MAP6: variants seen among roughly 807,000 people sequenced by gnomAD.
The protein encoded by MAP6 is microtubule-associated protein 6.
A neutral mutation model predicts 42.4 loss-of-function variants in MAP6; 26 were observed. The observed-to-expected ratio is 0.61, with a 90% CI of 0.45 to 0.85. MAP6 has a LOEUF of 0.85. MAP6 is among the 40% of genes least tolerant of loss of function. The pLI, the probability that MAP6 is intolerant of heterozygous loss-of-function variation, is 0.00. For missense variants in MAP6, 966 were observed against 1,099.0 expected (o/e 0.88, Z 1.71); for synonymous variants, 418 against 443.8 (o/e 0.94, Z 0.73).
At chr11:75,597,147 G>A (rs1296161642) in intron 3 of MAP6, 4 of 152,250 alleles carry the variant, frequency 2.6e-5, no homozygotes, top group Non-Finnish European at 5.9e-5. Flanking sequence ...TAAAGGCCAA[G>A]TAAAGGTTCA....
chr11:75,620,235 C>T (rs61895124), intron 1 of MAP6, among the ~76,000 whole-genome samples: 6,987 of 151,944 alleles, frequency 0.046, 202 homozygotes, highest in East Asian at 0.14. Flanking sequence ...TTTGGGAGGC[C>T]GAGGTAGGTG....
At chr11:75,598,044 G>A (rs1172822120) in intron 3 of MAP6, among the ~76,000 whole-genome samples, 1 of 152,198 alleles carries the variant, frequency 6.6e-6, no homozygotes, top group Non-Finnish European at 1.5e-5. Context: ...CCGCAGGCCT[G>A]GGAATCAGGT....
intron 1 of MAP6, among the ~76,000 whole-genome samples, chr11:75,666,457 T>A (rs961670389): frequency 6.6e-6 from 1 of 151,438 alleles, no homozygotes; most frequent in Non-Finnish European, 1.5e-5. Flanking sequence ...GAGAAAGGGG[T>A]TTTTGGTGGC....
At chr11:75,590,573 C>T (rs960463409) in intron 3 of MAP6, among the ~76,000 whole-genome samples, 5 of 152,204 alleles carry the variant, frequency 3.3e-5, no homozygotes, top group Admixed American at 3.3e-4. Flanking sequence ...TACATAACCC[C>T]ATATTGCTTA....
chr11:75,652,365 T>C (rs561375710), intron 1 of MAP6, among the ~76,000 whole-genome samples: 18 of 152,280 alleles, frequency 1.2e-4, no homozygotes, highest in Admixed American at 1.2e-3. Flanking sequence ...CATGTCTAGC[T>C]CTCCATGCCC....
At chr11:75,654,271 A>C (rs1157739778) in intron 1 of MAP6, among the ~76,000 whole-genome samples, 1 of 152,192 alleles carries the variant, frequency 6.6e-6, no homozygotes, top group Non-Finnish European at 1.5e-5. Context: ...GAATTACAAG[A>C]ATGTATTGTA....
In MAP6 at chr11:75,668,067, C is replaced by G. The variant is rs1035520001; in HGVS notation, c.303G>C (p.Arg101=). 5 of 1,225,080 alleles carry G rather than the reference C, an allele frequency of 4.1e-6. No individual in the cohort carries two copies. Among genetic ancestry groups the G allele is most frequent in the Non-Finnish European group, 5.1e-6 (5 of 986,410 alleles). 75.9% of individuals were successfully genotyped at this position (1,225,080 alleles called of 1,614,324 possible). A position where few individuals can be genotyped will look rare whatever the true frequency, so the allele number is the denominator to read the frequency against. Residue 101 remains arginine, a synonymous_variant, in exon 1 of 4, where the codon CGG becomes CGC. Coordinates refer to ENST00000304771, the MANE Select transcript of MAP6 (RefSeq NM_033063.2). ...GEREPAAGPG[R]SGPGPGLGSG... is the part of the protein sequence containing the mutation. The stretch of plus-strand genomic sequence containing the variant: ...AGCCCAGGCCCGGGCCCGGCCCGCT[C>G]CGGCCGGGGCCCGCCGCCGGCTCGC...
intron 3 of MAP6, chr11:75,604,869 A>G (rs1056311085): frequency 1.0e-6 from 1 of 985,494 alleles, no homozygotes; most frequent in East Asian, 1.1e-4. Flanking sequence ...CGGTTCAGGA[A>G]GGGAGAGTAA....
intron 3 of MAP6, chr11:75,603,871 G>GACA: frequency 3.0e-6 from 3 of 985,442 alleles, no homozygotes; most frequent in Non-Finnish European, 3.6e-6. Flanking sequence ...AATCCAAATT[G>GACA]TGGCTAGCAT....
chr11:75,614,840 T>C (rs777180834), intron 1 of MAP6, among the ~76,000 whole-genome samples: 2 of 152,222 alleles, frequency 1.3e-5, no homozygotes, highest in Non-Finnish European at 2.9e-5. Flanking sequence ...AAAATACTTG[T>C]GTCATCTCAG....
chr11:75,587,151 G>C lies in MAP6; in HGVS notation c.2350C>G (p.Pro784Ala). 1 of 1,614,030 alleles carries C rather than the reference G, an allele frequency of 6.2e-7. No homozygotes were observed. The highest frequency in any genetic ancestry group is 1.3e-5 in the African/African-American group (1 of 75,016). ...AVPEPLKTQG[P>A]RDPQLPTVSP... is the part of the protein sequence containing the mutation. ...ACAGTAGGTAGCTGAGGGTCCCTGG[G>C]ACCTTGAGTCTTCAGAGGTTCAGGG... The change falls in exon 4 of 4, where the codon CCC becomes GCC. Residue 784 changes from proline to alanine, a missense_variant. By Grantham distance (27) the Pro-to-Ala change is conservative (BLOSUM62 -1). Coordinates refer to ENST00000304771, the MANE Select transcript of MAP6 (RefSeq NM_033063.2).
At chr11:75,628,277 G>A (rs952572849) in intron 1 of MAP6, among the ~76,000 whole-genome samples, 1 of 152,206 alleles carries the variant, frequency 6.6e-6, no homozygotes, top group Non-Finnish European at 1.5e-5. Context: ...GGATGCTGGG[G>A]GTGAGGAAGG....
intron 1 of MAP6, among the ~76,000 whole-genome samples, chr11:75,623,471 C>T (rs185209803): frequency 6.6e-5 from 10 of 152,288 alleles, no homozygotes; most frequent in African/African-American, 2.4e-4. Context: ...CCAGCTGGAA[C>T]ATCTCCTTTC....
intron 1 of MAP6, among the ~76,000 whole-genome samples, chr11:75,625,811 C>A (rs1943184245): frequency 6.6e-6 from 1 of 152,174 alleles, no homozygotes; most frequent in Admixed American, 6.5e-5. Context: ...ACACTTCTGC[C>A]ATGGTTGAAA....
chr11:75,642,936 TAAA>T, intron 1 of MAP6: 3 of 454,568 alleles, frequency 6.6e-6, no homozygotes, highest in East Asian at 5.7e-5. Context: ...ATGTTCTGGT[TAAA>T]AAAAATTCAT....
At chr11:75,597,799 G>GGGGGAC (rs1423086653) in intron 3 of MAP6, among the ~76,000 whole-genome samples, 1 of 152,238 alleles carries the variant, frequency 6.6e-6, no homozygotes, top group Non-Finnish European at 1.5e-5. Context: ...ATGAAAGGCT[G>GGGGGAC]GGGGACGGGA....
At chr11:75,594,411 T>C (rs1045470387) in intron 3 of MAP6, 5 of 152,208 alleles carry the variant, frequency 3.3e-5, no homozygotes, top group Admixed American at 6.5e-5. Context: ...CCAAGGGGGA[T>C]TGCCAAGGAA....
At chr11:75,655,809 G>A (rs1397904686) in intron 1 of MAP6, among the ~76,000 whole-genome samples, 1 of 152,244 alleles carries the variant, frequency 6.6e-6, no homozygotes, top group Non-Finnish European at 1.5e-5. Flanking sequence ...AGCTGCACAA[G>A]CAAGACACAG....
chr11:75,655,303 T>C (rs1420418978), intron 1 of MAP6, among the ~76,000 whole-genome samples: 1 of 152,226 alleles, frequency 6.6e-6, no homozygotes. Context: ...CCCTGAAGGA[T>C]AGAAAGGATT....
Sources: gnomAD v4.1 joint callset for allele counts (sites outside exome capture counted in the v4.1 genomes callset) on GRCh38, gnomAD v4.1.1 for gene constraint, MANE v1.5 for transcripts, NCBI Gene and HGNC (gene_info 2026-07-23, HGNC 2026-07-21) for gene names.